Variants in CHD2 observed in about 807,000 individuals in gnomAD.
CHD2 encodes the protein ATP-dependent chromatin remodeler CHD2.
CHD2 carries 28 observed loss-of-function variants against 243.9 expected under a neutral mutation model. That is an observed-to-expected ratio of 0.11 (90% CI 0.09 to 0.16). CHD2 has a LOEUF of 0.16. Among genes scored for constraint, CHD2 ranks in the 10% least tolerant of loss-of-function variants. The pLI, the probability that CHD2 is intolerant of heterozygous loss-of-function variation, is 1.00. For synonymous variants in CHD2, 775 were observed against 779.0 expected, an observed-to-expected ratio of 0.99 and a Z score of 0.09; for missense variants, 1,386 against 2,209.8, an observed-to-expected ratio of 0.63 and a Z score of 7.47.
chr15:93,011,841 A>G (rs1484403679), intron 35 of CHD2, among the ~76,000 whole-genome samples: 1 of 152,186 alleles, frequency 6.6e-6, no homozygotes, highest in Non-Finnish European at 1.5e-5. Flanking sequence ...GGGCAGCAAC[A>G]CAGAGATGAC....
chr15:92,935,121 C>T (rs1347892086), intron 5 of CHD2, among the ~76,000 whole-genome samples: 2 of 151,528 alleles, frequency 1.3e-5, no homozygotes, highest in East Asian at 3.9e-4. Context: ...CTGTAAGCTC[C>T]ACCTCCCGGG....
chr15:92,967,796 T>G (rs149459275), intron 17 of CHD2, among the ~76,000 whole-genome samples: 225 of 152,194 alleles, frequency 1.5e-3, no homozygotes, highest in African/African-American at 5.2e-3. Context: ...CCCAACGTTT[T>G]GTTGTTATTA....
chr15:92,995,052 T>C (rs1448811595), intron 28 of CHD2, among the ~76,000 whole-genome samples: 4 of 152,190 alleles, frequency 2.6e-5, no homozygotes, highest in East Asian at 3.8e-4. Context: ...CCCAAACATA[T>C]GTTTCCAAAT....
At chr15:92,926,925 T>C (rs974734764) in intron 3 of CHD2, among the ~76,000 whole-genome samples, 5 of 152,220 alleles carry the variant, frequency 3.3e-5, no homozygotes, top group Non-Finnish European at 7.3e-5. Flanking sequence ...TTAAAATGTA[T>C]CAGTAAATAC....
At chr15:93,024,307 A>C in intron 38 of CHD2, 65 bp from the exon 39 acceptor site, 1 of 1,399,142 alleles carries the variant, frequency 7.1e-7, no homozygotes, top group Non-Finnish European at 9.9e-7. Flanking sequence ...CCAAGTGGGT[A>C]GTGAAGAGAA....
At chr15:93,000,426 C>T in intron 31 of CHD2, 86 bp from the exon 32 acceptor site, 1 of 1,316,024 alleles carries the variant, frequency 7.6e-7, no homozygotes, top group South Asian at 1.6e-5. Context: ...ATGGCTGCTA[C>T]TGCTTTAAAG....
At chr15:92,963,562 T>C (rs1470071) in intron 16 of CHD2, among the ~76,000 whole-genome samples, 117,117 of 152,190 alleles carry the variant, frequency 0.77, 46,473 homozygotes, top group East Asian at 1. Context: ...TTCATATTTA[T>C]CCATATATTT....
rs1412149847 is a variant in CHD2, at chr15:92,972,633, C to T, written c.2505+216C>T. On this transcript the variant is annotated intron_variant, in intron 19 of 38. Coordinates refer to ENST00000394196, the MANE Select transcript of CHD2 (RefSeq NM_001271.4). ...TTGGGAGGCCGAGGCGGGCGGATCA[C>T]GAGGTCAGGAGATCAAGACCATCCC... Among the ~76,000 whole-genome samples the T allele has an allele frequency of 1.8e-4, 2 of 11,178 alleles. 1 individual carries two copies. Among genetic ancestry groups the T allele is most frequent in the Non-Finnish European group, 9.3e-4 (2 of 2,156 alleles). The allele number at this position is 11,178 out of a possible 152,430, so 7.3% of individuals were successfully genotyped here. A position where few individuals can be genotyped will look rare whatever the true frequency, so the allele number is the denominator to read the frequency against.
At chr15:93,000,419 G>C in intron 31 of CHD2, 93 bp from the exon 32 acceptor site, 1 of 1,233,468 alleles carries the variant, frequency 8.1e-7, no homozygotes, top group Non-Finnish European at 1.1e-6. Context: ...GAATTATATG[G>C]CTGCTACTGC....
chr15:92,915,179 A>AGGG (rs917072231), intron 2 of CHD2, among the ~76,000 whole-genome samples: 2 of 152,186 alleles, frequency 1.3e-5, no homozygotes, highest in Non-Finnish European at 2.9e-5. Flanking sequence ...AATCCTGGGG[A>AGGG]GGGGCCTGCA....
At chr15:92,984,260 T>C (rs546989061) in intron 24 of CHD2, 70 bp from the exon 25 acceptor site, 1 of 1,216,988 alleles carries the variant, frequency 8.2e-7, no homozygotes, top group Admixed American at 3.3e-5. Flanking sequence ...ATAAAAACAC[T>C]GGATAAATTG....
At chr15:92,974,797 A>T in intron 19 of CHD2, 82 bp from the exon 20 acceptor site, 1 of 1,286,832 alleles carries the variant, frequency 7.8e-7, no homozygotes, top group South Asian at 1.2e-5. Flanking sequence ...TGTTCAGGTG[A>T]TAAAGGTTCC....
chr15:93,016,442 T>G (rs1193363957), intron 37 of CHD2, among the ~76,000 whole-genome samples: 2 of 152,242 alleles, frequency 1.3e-5, no homozygotes, highest in African/African-American at 4.8e-5. Flanking sequence ...TACAGCATGG[T>G]GACTGTAGTT....
chr15:92,949,622 G>C (rs1203994242), intron 13 of CHD2, among the ~76,000 whole-genome samples: 4 of 151,902 alleles, frequency 2.6e-5, no homozygotes, highest in Non-Finnish European at 2.9e-5. Context: ...ATCTTGGGGG[G>C]GTGAAAAAAA....
At chr15:92,991,539 C>A in intron 27 of CHD2, 22 bp downstream of exon 27, 1 of 1,564,654 alleles carries the variant, frequency 6.4e-7, no homozygotes, top group Admixed American at 1.9e-5. Flanking sequence ...GTAATAGTCC[C>A]TTATCTTCCT....
intron 7 of CHD2, 73 bp from the exon 8 acceptor site, chr15:92,941,749 A>G (rs2053386378): frequency 6.9e-7 from 1 of 1,441,966 alleles, no homozygotes; most frequent in Non-Finnish European, 9.6e-7. Flanking sequence ...TTCTTATTCT[A>G]GTGACGGTTA....
At chr15:92,901,128 T>C in intron 1 of CHD2, 39 bp from the exon 2 acceptor site, 1 of 696,974 alleles carries the variant, frequency 1.4e-6, no homozygotes, top group Non-Finnish European at 2.6e-6. Context: ...AAAGCATCGA[T>C]AGAAGCCGGG....
intron 3 of CHD2, among the ~76,000 whole-genome samples, chr15:92,926,819 C>A (rs2053070366): frequency 6.6e-6 from 1 of 152,200 alleles, no homozygotes; most frequent in African/African-American, 2.4e-5. Flanking sequence ...CTGATTCTTA[C>A]TTAATTAGAC....
intron 2 of CHD2, among the ~76,000 whole-genome samples, chr15:92,912,202 G>T (rs1321872085): frequency 6.6e-6 from 1 of 152,302 alleles, no homozygotes; most frequent in South Asian, 2.1e-4. Context: ...GAATCACTTG[G>T]AGAATTTTAA....
Sources: gnomAD v4.1 joint callset for allele counts (sites outside exome capture counted in the v4.1 genomes callset) on GRCh38, gnomAD v4.1.1 for gene constraint, MANE v1.5 for transcripts, NCBI Gene and HGNC (gene_info 2026-07-23, HGNC 2026-07-21) for gene names.